The following LINGO2 variants were observed in gnomAD, a reference collection of about 807,000 sequenced individuals.
The protein encoded by LINGO2 is leucine-rich repeat and immunoglobulin-like domain-containing nogo receptor-interacting protein 2.
In LINGO2, 14 loss-of-function variants were observed where a neutral mutation model predicts 30.6. The ratio of observed to expected loss-of-function variants is 0.46; its 90% confidence interval spans 0.30 to 0.72. The LOEUF is 0.72. Among genes scored for constraint, LINGO2 ranks in the 30% least tolerant of loss-of-function variants. LINGO2 has a pLI of 0.07. For missense variants in LINGO2, 729 were observed against 751.7 expected, an observed-to-expected ratio of 0.97 and a Z score of 0.35; for synonymous variants, 317 against 288.5, an observed-to-expected ratio of 1.10 and a Z score of -1.00.
chr9:28,534,670 T>G (rs2135439258), intron 1 of LINGO2, among the ~76,000 whole-genome samples: 1 of 152,238 alleles, frequency 6.6e-6, no homozygotes, highest in East Asian at 1.9e-4. Flanking sequence ...TCTTAGATAC[T>G]GAAACATTAG....
intron 4 of LINGO2, among the ~76,000 whole-genome samples, chr9:28,274,453 A>G (rs1274184521): frequency 6.6e-6 from 1 of 152,208 alleles, no homozygotes; most frequent in Non-Finnish European, 1.5e-5. Flanking sequence ...AATAACTTGG[A>G]AATTCCCCTC....
At chr9:28,458,200 T>A (rs1488290151) in intron 2 of LINGO2, among the ~76,000 whole-genome samples, 1 of 152,182 alleles carries the variant, frequency 6.6e-6, no homozygotes, top group Non-Finnish European at 1.5e-5. Context: ...ATGCAAACAA[T>A]TTGTCAGAAA....
At chr9:28,782,652 T>A in the LINGO2 span, among the ~76,000 whole-genome samples, 1 of 152,270 alleles carries the variant, frequency 6.6e-6, no homozygotes, top group Non-Finnish European at 1.5e-5. Flanking sequence ...GATGCAAAAC[T>A]CTCCTCTTTT....
At chr9:28,301,207 C>A (rs1030146896) in intron 3 of LINGO2, among the ~76,000 whole-genome samples, 1 of 152,044 alleles carries the variant, frequency 6.6e-6, no homozygotes, top group Non-Finnish European at 1.5e-5. Flanking sequence ...ATTTGAAACA[C>A]CATTTTGCCA....
intron 4 of LINGO2, among the ~76,000 whole-genome samples, chr9:28,126,960 T>A (rs1228058021): frequency 6.6e-6 from 1 of 152,198 alleles, no homozygotes; most frequent in Non-Finnish European, 1.5e-5. Context: ...TTTTTATAAA[T>A]AAAGAATTTT....
At chr9:28,301,351 T>C (rs1824134019) in intron 3 of LINGO2, among the ~76,000 whole-genome samples, 2 of 148,732 alleles carry the variant, frequency 1.3e-5, no homozygotes, top group Middle Eastern at 3.4e-3. Context: ...TTTGGCAAAA[T>C]CCATGACAAG....
the LINGO2 span, among the ~76,000 whole-genome samples, chr9:29,123,729 T>A: frequency 2.0e-5 from 3 of 152,090 alleles, no homozygotes; most frequent in African/African-American, 7.2e-5. Flanking sequence ...AGCAGTTAAC[T>A]CAAATACACT....
intron 4 of LINGO2, among the ~76,000 whole-genome samples, chr9:28,200,871 T>C (rs1313936084): frequency 1.3e-5 from 2 of 152,184 alleles, no homozygotes; most frequent in Non-Finnish European, 2.9e-5. Context: ...GATCCCTTTA[T>C]ATGTATTTAA....
At chr9:28,107,092 G>T (rs369067815) in intron 4 of LINGO2, among the ~76,000 whole-genome samples, 1 of 152,168 alleles carries the variant, frequency 6.6e-6, no homozygotes, top group African/African-American at 2.4e-5. Flanking sequence ...CCCTCCTCCA[G>T]ATGGTTTCCT....
At chr9:28,059,419 G>C (rs186442899) in intron 4 of LINGO2, among the ~76,000 whole-genome samples, 1 of 151,862 alleles carries the variant, frequency 6.6e-6, no homozygotes, top group East Asian at 1.9e-4. Flanking sequence ...CTTTGACTCC[G>C]CCGGTCTTTG....
chr9:28,597,733 T>G (rs1230695693), intron 1 of LINGO2, among the ~76,000 whole-genome samples: 1 of 152,144 alleles, frequency 6.6e-6, no homozygotes, highest in East Asian at 1.9e-4. Context: ...ATTTTGTATG[T>G]ATGTCTGTAT....
chr9:28,838,200 A>T, the LINGO2 span, among the ~76,000 whole-genome samples: 349 of 152,256 alleles, frequency 2.3e-3, 1 homozygote, highest in African/African-American at 8.3e-3. Flanking sequence ...TGATATTACA[A>T]TAGATAAAAT....
chr9:28,077,091 A>G (rs1825646254), intron 4 of LINGO2, among the ~76,000 whole-genome samples: 1 of 152,184 alleles, frequency 6.6e-6, no homozygotes, highest in African/African-American at 2.4e-5. Flanking sequence ...CCCCATAGAA[A>G]ACTACAGTAA....
At chr9:28,671,622 G>A (rs2136046320), upstream of LINGO2, among the ~76,000 whole-genome samples, 2 of 151,976 alleles carry the variant, frequency 1.3e-5, no homozygotes, top group African/African-American at 4.8e-5. Context: ...AAAGAAACTG[G>A]GGTCTATTTG....
chr9:28,949,868 G>C, the LINGO2 span, among the ~76,000 whole-genome samples: 1 of 152,090 alleles, frequency 6.6e-6, no homozygotes, highest in Non-Finnish European at 1.5e-5. Flanking sequence ...CAATATTGAT[G>C]CAAAAATCCT....
chr9:28,263,935 G>A (rs1029947194), intron 4 of LINGO2, among the ~76,000 whole-genome samples: 6 of 151,646 alleles, frequency 4.0e-5, no homozygotes, highest in African/African-American at 1.5e-4. Flanking sequence ...TGTCTCCTAC[G>A]GTAATGAATA....
intron 4 of LINGO2, among the ~76,000 whole-genome samples, chr9:28,065,513 A>G (rs1416851509): frequency 6.6e-6 from 1 of 152,148 alleles, no homozygotes; most frequent in Non-Finnish European, 1.5e-5. Flanking sequence ...GATGTTTAGT[A>G]CCTTTTTATT....
At chr9:28,644,103 A>G (rs1245734131) in intron 1 of LINGO2, among the ~76,000 whole-genome samples, 1 of 152,086 alleles carries the variant, frequency 6.6e-6, no homozygotes, top group Non-Finnish European at 1.5e-5. Context: ...AATTAGCACA[A>G]TCACTATGGA....
chr9:29,070,546 T>G, the LINGO2 span, among the ~76,000 whole-genome samples: 1 of 152,018 alleles, frequency 6.6e-6, no homozygotes, highest in Non-Finnish European at 1.5e-5. Flanking sequence ...GCAGGGTAGG[T>G]TGAAGCCTGA....
Sources: gnomAD v4.1 joint callset for allele counts (sites outside exome capture counted in the v4.1 genomes callset) on GRCh38, gnomAD v4.1.1 for gene constraint, MANE v1.5 for transcripts, NCBI Gene and HGNC (gene_info 2026-07-23, HGNC 2026-07-21) for gene names.